The following HERC1 variants were observed in gnomAD, a reference collection of about 807,000 sequenced individuals.
HERC1 encodes HECT and RLD domain containing E3 ubiquitin protein ligase family member 1, also known as probable E3 ubiquitin-protein ligase HERC1.
In HERC1, 160 loss-of-function variants were observed where a neutral mutation model predicts 554.3. The ratio of observed to expected loss-of-function variants is 0.29; its 90% CI spans 0.25 to 0.33. HERC1 has a LOEUF of 0.33. HERC1 is among the 10% of genes least tolerant of loss of function. The probability of loss-of-function intolerance (pLI) is 1.00; values close to 1 mark genes in which losing one functional copy is unlikely to be tolerated. For synonymous variants in HERC1, 2,175 were observed against 2,131.7 expected (o/e 1.02, Z -0.56); for missense variants, 4,919 against 5,918.5 (o/e 0.83, Z 5.54).
Position 63,698,692 on chromosome 15 carries a change from C to T in HERC1, c.4905+36G>A, listed in dbSNP as rs766063766. On this transcript the variant is annotated intron_variant, in intron 26 of 77. Transcript: ENST00000443617. The stretch of plus-strand genomic sequence containing the variant: ...ATTCAATGGTTCAGTTTTAAGTTTC[C>T]AGAGCTCTCATAAGGAGTAAATATC... The T allele has an allele frequency of 2.5e-6, 4 of 1,578,410 alleles. No homozygotes were observed. In the South Asian group the frequency reaches 4.6e-5, roughly 18 times the overall value.
chr15:63,692,390 A>G lies in HERC1; in HGVS notation c.5830+21T>C. On this transcript the variant is annotated intron_variant, in intron 31 of 77. Coordinates refer to ENST00000443617, the MANE Select transcript of HERC1 (RefSeq NM_003922.4). This position sits in a 1 kb window ranked among gnomAD's most constrained non-coding sequence, Gnocchi z 4.7. ...AAGTAATATCTATAAATACTCTAAG[A>G]CAAAGGCAAAGGACATGTACCTGAA... 1 of 1,571,712 alleles carries G rather than the reference A, an allele frequency of 6.4e-7. No individual in the cohort carries two copies. The highest frequency in any genetic ancestry group is 8.6e-7 in the Non-Finnish European group (1 of 1,163,414).
At chr15:63,747,924 C>G in intron 10 of HERC1, 66 bp from the exon 11 acceptor site, 1 of 1,463,714 alleles carries the variant, frequency 6.8e-7, no homozygotes, top group Admixed American at 2.2e-5. Flanking sequence ...CGATCAAAAA[C>G]GAAAATTAAA....
intron 75 of HERC1, 38 bp downstream of exon 75, chr15:63,616,392 G>T: frequency 1.3e-6 from 2 of 1,593,942 alleles, no homozygotes; most frequent in South Asian, 1.1e-5. Context: ...CATATAGGAC[G>T]TCAACACCAG....
At chr15:63,777,073 T>C (rs1239481263) in intron 1 of HERC1, among the ~76,000 whole-genome samples, 1 of 152,174 alleles carries the variant, frequency 6.6e-6, no homozygotes, top group Non-Finnish European at 1.5e-5. Context: ...TCACTTATAA[T>C]AGCTGGTAAT....
rs1193847081 is a variant in HERC1 at position 63,677,478 on chromosome 15, A to G, written c.7070+367T>C. 2.6e-5 allele frequency among the ~76,000 whole-genome samples: 4 copies of G among 152,280 alleles called. No homozygotes were observed. The highest frequency in any genetic ancestry group is 4.8e-5 in the African/African-American group (2 of 41,484). The stretch of plus-strand genomic sequence containing the variant: ...CTTGCTACCACAAAATGCAATGAAC[A>G]GATTAGCTGGCTGGCTTTTTACTAT... On this transcript the variant is annotated intron_variant, in intron 37 of 77. Coordinates refer to ENST00000443617, the MANE Select transcript of HERC1 (RefSeq NM_003922.4). This position sits in a 1 kb window ranked among gnomAD's most constrained non-coding sequence, Gnocchi z 4.4.
At position 63,637,569 on chromosome 15, in the gene HERC1, A is replaced by G. The variant is rs745642287; in HGVS notation, c.12168T>C (p.Tyr4056=). 14 of 1,559,672 alleles carry G rather than the reference A, an allele frequency of 9.0e-6. No individual in the cohort carries two copies. The highest frequency in any genetic ancestry group is 2.4e-5 in the South Asian group (2 of 84,684). The change falls in exon 64 of 78, where the codon TAT becomes TAC. Residue 4056 remains tyrosine (Y), a synonymous_variant. Coordinates refer to ENST00000443617, the MANE Select transcript of HERC1 (RefSeq NM_003922.4). ...GTVLACGEGS[Y]GRLGQGNSDD... ...CTGAATTTCCTTGTCCTAATCTGCC[A>G]TAACTTCCTTCCCCACAAGCCAACA...
chr15:63,629,931 C>A (rs1332229859), intron 69 of HERC1, among the ~76,000 whole-genome samples: 1 of 151,922 alleles, frequency 6.6e-6, no homozygotes, highest in African/African-American at 2.4e-5. Flanking sequence ...AATACATCAA[C>A]CTCTTGAGTC....
intron 12 of HERC1, among the ~76,000 whole-genome samples, chr15:63,735,634 C>A (rs2074470939): frequency 6.6e-6 from 1 of 151,926 alleles, no homozygotes; most frequent in African/African-American, 2.4e-5. Context: ...GCTGCATTAT[C>A]TTAGGCCTCA....
At chr15:63,820,360 A>G (rs1318290441) in intron 1 of HERC1, among the ~76,000 whole-genome samples, 1 of 152,202 alleles carries the variant, frequency 6.6e-6, no homozygotes, top group East Asian at 1.9e-4. Context: ...ATTATACATG[A>G]CTGAATACTT....
At chr15:63,650,418 T>C in intron 53 of HERC1, among the ~76,000 whole-genome samples, 1 of 140,080 alleles carries the variant, frequency 7.1e-6, no homozygotes, top group African/African-American at 2.6e-5. Context: ...TTCTGTAACC[T>C]TTTTTTTTTT....
At chr15:63,639,694 T>C (rs2068948362) in intron 61 of HERC1, among the ~76,000 whole-genome samples, 1 of 152,220 alleles carries the variant, frequency 6.6e-6, no homozygotes. Context: ...GTTTCTAGAG[T>C]AGACACTCTC....
intron 8 of HERC1, among the ~76,000 whole-genome samples, chr15:63,752,183 GT>G (rs2141888542): frequency 6.6e-6 from 1 of 152,324 alleles, no homozygotes; most frequent in African/African-American, 2.4e-5. Context: ...TAGTTTCTCA[GT>G]GAATAATCAA....
intron 51 of HERC1, among the ~76,000 whole-genome samples, chr15:63,653,312 G>A (rs560187222): frequency 5.4e-4 from 82 of 152,070 alleles, no homozygotes; most frequent in African/African-American, 1.9e-3. Context: ...GTGTGGTGGT[G>A]TACATCTGTA....
rs2068188093 is a variant in HERC1 at position 63,623,849 on chromosome 15, T to C, written c.13487A>G (p.Gln4496Arg). 6.2e-7 allele frequency: 1 copy of C among 1,613,912 alleles called. No individual in the cohort carries two copies. Among genetic ancestry groups the C allele is most frequent in the Non-Finnish European group, 8.5e-7 (1 of 1,179,896 alleles). Reference protein sequence around the residue: ...CKPIFVQIARQVVKLNASDLR... With the variant: ...CKPIFVQIARRVVKLNASDLR... ...GTCTGAAGCATTCAGCTTAACTACT[T>C]GTCTCGCTATTTGGACAAAAATAGG... The change falls in exon 73 of 78, where the codon CAA becomes CGA. Residue 4496 changes from glutamine to arginine, a missense_variant. Transcript: ENST00000443617.
chr15:63,697,105 C>T (rs4984319), intron 26 of HERC1, among the ~76,000 whole-genome samples: 123,768 of 152,068 alleles, frequency 0.81, 52,239 homozygotes, highest in Non-Finnish European at 0.88. Flanking sequence ...ACAATACTAT[C>T]AACTAAACCT....
intron 1 of HERC1, among the ~76,000 whole-genome samples, chr15:63,796,900 C>CT (rs1226773094): frequency 6.6e-6 from 1 of 152,122 alleles, no homozygotes; most frequent in African/African-American, 2.4e-5. Context: ...GTAAATGTTT[C>CT]TTATCAGACT....
intron 61 of HERC1, among the ~76,000 whole-genome samples, chr15:63,639,349 G>T (rs1244246187): frequency 1.3e-5 from 2 of 152,160 alleles, no homozygotes; most frequent in Non-Finnish European, 2.9e-5. Flanking sequence ...ATTGAATACA[G>T]TCATATTCTG....
chr15:63,799,557 C>A (rs77573824), intron 1 of HERC1, among the ~76,000 whole-genome samples: 4,689 of 151,172 alleles, frequency 0.031, 235 homozygotes, highest in African/African-American at 0.11. Flanking sequence ...TGCCAGTATC[C>A]AAAGGAGGCA....
chr15:63,628,719 T>C lies in HERC1; in HGVS notation c.13063A>G (p.Ser4355Gly). 3 of 1,613,920 alleles carry C rather than the reference T, an allele frequency of 1.9e-6. No individual in the cohort carries two copies. The highest frequency in any genetic ancestry group is 1.7e-6 in the Non-Finnish European group (2 of 1,179,870). The change falls in exon 70 of 78, where the codon AGT (serine) becomes GGT (glycine). Residue 4355 changes from serine (S) to glycine (G), a missense_variant. This residue lies in a region of HERC1 where 410 missense variants were observed against 467.0 expected (regional missense o/e 0.88). Coordinates refer to ENST00000443617, the MANE Select transcript of HERC1 (RefSeq NM_003922.4). ...ACAGGTGGTGCTGTCCATGCAGCAC[T>C]GTGGCAGCGGCCAGCCGAGATCTGC... The part of the protein sequence containing the change: ...VRQISAGRCH[S>G]AAWTAPPVPP...
Sources: allele counts gnomAD v4.1 joint callset (sites outside exome capture counted in the v4.1 genomes callset), GRCh38; gene constraint gnomAD v4.1.1; regional missense constraint gnomAD v4.1.1; non-coding constraint Gnocchi (gnomAD v3.1); transcripts MANE v1.5; gene names NCBI Gene and HGNC (gene_info 2026-07-23, HGNC 2026-07-21).